MCPH1: variants seen among roughly 807,000 people sequenced by gnomAD.
The protein encoded by MCPH1 is microcephalin 1, also known as microcephalin.
In MCPH1, 104 loss-of-function variants were observed where a neutral mutation model predicts 84.5. That is an observed-to-expected ratio of 1.23 (90% CI 1.05 to 1.45). MCPH1 has a LOEUF of 1.45. Among genes scored for constraint, MCPH1 ranks in the 40% most tolerant of loss-of-function variants. The probability of loss-of-function intolerance (pLI) is 0.00; values close to 1 mark genes in which losing one functional copy is unlikely to be tolerated. For missense variants in MCPH1, 1,498 were observed against 1,005.7 expected (o/e 1.49, Z -6.62); for synonymous variants, 514 against 366.8 (o/e 1.40, Z -4.58).
intron 3 of MCPH1, among the ~76,000 whole-genome samples, chr8:6,422,216 C>T (rs527699094): frequency 1.1e-4 from 17 of 152,134 alleles, no homozygotes; most frequent in African/African-American, 4.1e-4. Context: ...TCTAGTAAGT[C>T]TAACATTCAT....
At chr8:6,475,148 G>A (rs963050184) in intron 9 of MCPH1, among the ~76,000 whole-genome samples, 2 of 152,214 alleles carry the variant, frequency 1.3e-5, no homozygotes, top group South Asian at 4.1e-4. Flanking sequence ...ACCATCTCAT[G>A]ATGGTTATCC....
chr8:6,406,751 C>G, intron 1 of MCPH1, 62 bp downstream of exon 1: 1 of 1,572,158 alleles, frequency 6.4e-7, no homozygotes, highest in Non-Finnish European at 8.7e-7. Context: ...CCCCTCGTCG[C>G]GGGCGCACTC....
At chr8:6,409,140 C>G in intron 1 of MCPH1, 139 bp from the exon 2 acceptor site, 1 of 735,900 alleles carries the variant, frequency 1.4e-6, no homozygotes, top group Non-Finnish European at 2.4e-6. Context: ...CCCACTTCCG[C>G]CTCCCACAGT....
chr8:6,445,257 A>T lies in MCPH1; in HGVS notation c.1535A>T (p.Gln512Leu). ...APEEALRCCR[Q>L]AGKEDACPEG... Reference sequence around the variant, plus strand: ...GAAGAAGCCCTAAGGTGTTGTAGACAGGCTGGGAAAGAAGACGCATGCCCA... The same window carrying T: ...GAAGAAGCCCTAAGGTGTTGTAGACTGGCTGGGAAAGAAGACGCATGCCCA... The change falls in exon 8 of 14, where the codon CAG becomes CTG. Residue 512 changes from glutamine to leucine, a missense_variant. Gln to Leu is a moderately radical substitution (Grantham distance 113, BLOSUM62 -2). Coordinates refer to ENST00000344683, the MANE Select transcript of MCPH1 (RefSeq NM_024596.5). 3.1e-6 allele frequency: 5 copies of T among 1,614,196 alleles called. No individual in the cohort carries two copies. The highest frequency in any genetic ancestry group is 4.2e-6 in the Non-Finnish European group (5 of 1,180,024).
intron 12 of MCPH1, among the ~76,000 whole-genome samples, chr8:6,544,557 G>C (rs1822196743): frequency 6.6e-6 from 1 of 152,134 alleles, no homozygotes; most frequent in African/African-American, 2.4e-5. Flanking sequence ...GTTTGTCGAA[G>C]TTTTTTTCAG....
At chr8:6,625,222 G>C (rs1262540027) in intron 13 of MCPH1, 1 of 985,328 alleles carries the variant, frequency 1.0e-6, no homozygotes, top group Non-Finnish European at 1.2e-6. Context: ...GTATAAAACA[G>C]AGTCATAGCC....
intron 5 of MCPH1, among the ~76,000 whole-genome samples, chr8:6,437,521 G>T (rs1164679165): frequency 2.0e-5 from 3 of 152,180 alleles, no homozygotes; most frequent in Non-Finnish European, 4.4e-5. Context: ...GAGCCACCGC[G>T]CCCGGCCAAG....
chr8:6,534,225 A>C (rs1478884932), intron 12 of MCPH1, among the ~76,000 whole-genome samples: 1 of 152,194 alleles, frequency 6.6e-6, no homozygotes, highest in Non-Finnish European at 1.5e-5. Context: ...ATAACAATAC[A>C]ACAATAAAAA....
chr8:6,470,357 C>T (rs1807557582), intron 9 of MCPH1, among the ~76,000 whole-genome samples: 1 of 152,114 alleles, frequency 6.6e-6, no homozygotes, highest in Non-Finnish European at 1.5e-5. Context: ...GATCTCCGCT[C>T]ACTGCAACTT....
chr8:6,621,124 A>G (rs1215010213), intron 12 of MCPH1: 5 of 380,010 alleles, frequency 1.3e-5, no homozygotes, highest in South Asian at 2.3e-5. Context: ...TACTTTAGTG[A>G]GAGTTCAGCC....
At chr8:6,495,794 T>C (rs1811158935) in intron 11 of MCPH1, among the ~76,000 whole-genome samples, 1 of 152,220 alleles carries the variant, frequency 6.6e-6, no homozygotes, top group Admixed American at 6.5e-5. Context: ...ACTTTACTCC[T>C]AAAGTATCAT....
chr8:6,447,793 C>A (rs933833834), intron 8 of MCPH1, among the ~76,000 whole-genome samples: 2 of 152,212 alleles, frequency 1.3e-5, no homozygotes, highest in African/African-American at 4.8e-5. Flanking sequence ...TCATGATCTA[C>A]CCTCCTCGGC....
At chr8:6,506,881 C>G (rs945647910) in intron 12 of MCPH1, among the ~76,000 whole-genome samples, 1 of 150,998 alleles carries the variant, frequency 6.6e-6, no homozygotes, top group Non-Finnish European at 1.5e-5. Flanking sequence ...TTACTAAATC[C>G]TCCTTTTGAC....
At chr8:6,423,844 G>A (rs1168535562) in intron 3 of MCPH1, among the ~76,000 whole-genome samples, 1 of 152,158 alleles carries the variant, frequency 6.6e-6, no homozygotes, top group Non-Finnish European at 1.5e-5. Flanking sequence ...CAATACCTTT[G>A]CTAATGTTGT....
chr8:6,639,872 T>C (rs1297454992), intron 13 of MCPH1, among the ~76,000 whole-genome samples: 1 of 152,068 alleles, frequency 6.6e-6, no homozygotes, highest in African/African-American at 2.4e-5. Context: ...TTAATTTATG[T>C]GCTTTCTGTT....
At chr8:6,433,568 GGTTGCAGTGA>G (rs1481302773) in intron 4 of MCPH1, among the ~76,000 whole-genome samples, 1 of 146,636 alleles carries the variant, frequency 6.8e-6, no homozygotes, top group Non-Finnish European at 1.5e-5. Flanking sequence ...AGGAGGTGGA[GGTTGCAGTGA>G]GCCCAGATCA....
chr8:6,558,047 G>C (rs1300216553), intron 12 of MCPH1, among the ~76,000 whole-genome samples: 2 of 152,086 alleles, frequency 1.3e-5, no homozygotes, highest in Non-Finnish European at 2.9e-5. Flanking sequence ...CGCACCTTTA[G>C]TTACCTCAGT....
chr8:6,459,412 A>G (rs1057190637), intron 9 of MCPH1, among the ~76,000 whole-genome samples: 2 of 152,154 alleles, frequency 1.3e-5, no homozygotes, highest in African/African-American at 2.4e-5. Flanking sequence ...GGTAGTTGGG[A>G]CTACAGGTGC....
chr8:6,507,572 C>CTTTTTTTTTT (rs35163014), intron 12 of MCPH1: 54 of 104,782 alleles, frequency 5.2e-4, no homozygotes, highest in Non-Finnish European at 7.2e-4. Flanking sequence ...ACTTTCTTTT[C>CTTTTTTTTTT]TTTTTTTTTT....
Sources: allele counts gnomAD v4.1 joint callset (sites outside exome capture counted in the v4.1 genomes callset), GRCh38; gene constraint gnomAD v4.1.1; transcripts MANE v1.5; gene names NCBI Gene and HGNC (gene_info 2026-07-23, HGNC 2026-07-21).